SLC36A4: variants seen among roughly 807,000 people sequenced by gnomAD.
The protein encoded by SLC36A4 is neutral amino acid uniporter 4.
Under a neutral mutation model 50.5 loss-of-function variants are expected in SLC36A4, and 49 were observed. The observed-to-expected ratio is 0.97, with a 90% CI of 0.77 to 1.23. The LOEUF (loss-of-function observed/expected upper bound fraction) is 1.23, where lower values mean the gene tolerates loss of function less well. Ranked by LOEUF, SLC36A4 falls within the 50% of genes most tolerant of loss-of-function variation. The pLI, the probability that SLC36A4 is intolerant of heterozygous loss-of-function variation, is 0.00. For missense variants in SLC36A4, 611 were observed against 608.4 expected, an observed-to-expected ratio of 1.00 and a Z score of -0.05; for synonymous variants, 207 against 206.5, an observed-to-expected ratio of 1.00 and a Z score of -0.02.
intron 1 of SLC36A4, among the ~76,000 whole-genome samples, chr11:93,195,564 C>G (rs557841209): frequency 6.6e-6 from 1 of 152,324 alleles, no homozygotes; most frequent in South Asian, 2.1e-4. Flanking sequence ...ACATGGCAGT[C>G]AATGCAATCC....
At chr11:93,191,608 T>C (rs993869545) in intron 1 of SLC36A4, among the ~76,000 whole-genome samples, 8 of 152,212 alleles carry the variant, frequency 5.3e-5, no homozygotes, top group Non-Finnish European at 8.8e-5. Context: ...TTAGCATTCA[T>C]ACTCTCTCTG....
intron 1 of SLC36A4, among the ~76,000 whole-genome samples, chr11:93,196,627 C>G (rs1016003550): frequency 6.6e-6 from 1 of 152,198 alleles, no homozygotes; most frequent in Non-Finnish European, 1.5e-5. Flanking sequence ...CCTCAGCCTC[C>G]CAAAGTGCTG....
At chr11:93,170,864 T>C (rs1590955271) in intron 6 of SLC36A4, among the ~76,000 whole-genome samples, 1 of 152,080 alleles carries the variant, frequency 6.6e-6, no homozygotes, top group Admixed American at 6.6e-5. Context: ...ATAGCAGGTT[T>C]CTACATTTGT....
chr11:93,155,400 T>C (rs1860307983), intron 9 of SLC36A4: 1 of 152,018 alleles, frequency 6.6e-6, no homozygotes, highest in African/African-American at 2.4e-5. Flanking sequence ...TTTTCTTTCT[T>C]ACAAAAAAAT....
At chr11:93,171,904 A>T (rs1018664334) in intron 6 of SLC36A4, 1 of 152,116 alleles carries the variant, frequency 6.6e-6, no homozygotes, top group Admixed American at 6.6e-5. Flanking sequence ...TAAACAAAAG[A>T]ATATAAACAG....
At chr11:93,182,919 G>T in intron 3 of SLC36A4, 25 bp from the exon 4 acceptor site, 1 of 1,517,588 alleles carries the variant, frequency 6.6e-7, no homozygotes, top group Non-Finnish European at 9.1e-7. Context: ...AATTTATAAG[G>T]TTTAAATATT....
In SLC36A4 at chr11:93,162,739, C is replaced by A. The variant is rs759183500; in HGVS notation, c.1004G>T (p.Gly335Val). The A allele has an allele frequency of 6.2e-7, 1 of 1,612,154 alleles. No homozygotes were observed. Among genetic ancestry groups the A allele is most frequent in the Admixed American group, 1.7e-5 (1 of 59,520 alleles). Residue 335 changes from glycine (G) to valine (V), a missense_variant, in exon 9 of 11, where the codon GGC becomes GTC. Transcript: ENST00000326402. ...GYMCFHDEIK[G>V]SITLNLPQDV... ...TTGGGGAAGATTTAAAGTTATGCTG[C>A]CTTTGATTTCATCATGGAAACACAT...
chr11:93,147,152 A>C lies in SLC36A4; in HGVS notation c.*1385T>G, dbSNP rs1859868458. 1 of 151,844 alleles carries C rather than the reference A, an allele frequency of 6.6e-6. No individual in the cohort carries two copies. Among genetic ancestry groups the C allele is most frequent in the African/African-American group, 2.4e-5 (1 of 41,456 alleles). The allele number at this position is 151,844 out of a possible 1,614,324, so 9.4% of individuals were successfully genotyped here. On this transcript the variant is annotated 3_prime_UTR_variant, in exon 11 of 11. Coordinates refer to ENST00000326402, the MANE Select transcript of SLC36A4 (RefSeq NM_152313.4). Reference sequence around the variant, plus strand: ...GCCACATCAGGCTAATTTTTTTTTAAATTTTTATGTTTTATAGAGTCGAGG... The same window carrying C: ...GCCACATCAGGCTAATTTTTTTTTACATTTTTATGTTTTATAGAGTCGAGG...
intron 6 of SLC36A4, among the ~76,000 whole-genome samples, chr11:93,172,472 T>G (rs1296715131): frequency 1.3e-5 from 2 of 151,602 alleles, no homozygotes; most frequent in Non-Finnish European, 2.9e-5. Flanking sequence ...ATACTTTAAG[T>G]TTTAGGGTAC....
intron 9 of SLC36A4, among the ~76,000 whole-genome samples, chr11:93,156,503 T>A (rs1181878118): frequency 1.3e-5 from 2 of 151,538 alleles, no homozygotes; most frequent in Non-Finnish European, 2.9e-5. Context: ...CACTGCAACC[T>A]CCACCTCCCC....
At chr11:93,182,937 A>G (rs1436575567) in intron 3 of SLC36A4, 43 bp from the exon 4 acceptor site, 1 of 1,375,520 alleles carries the variant, frequency 7.3e-7, no homozygotes, top group Admixed American at 1.9e-5. Flanking sequence ...ATTTAACAGA[A>G]ATTGAGTAAT....
chr11:93,182,373 C>A, intron 4 of SLC36A4: 6 of 262,708 alleles, frequency 2.3e-5, no homozygotes, highest in Non-Finnish European at 3.6e-5. Context: ...GGTCTACTGT[C>A]CAGTAGAAGT....
At chr11:93,195,238 T>C (rs900685469) in intron 1 of SLC36A4, among the ~76,000 whole-genome samples, 8 of 151,838 alleles carry the variant, frequency 5.3e-5, no homozygotes, top group Admixed American at 2.0e-4. Context: ...AAATTAAGTT[T>C]CTCCTACTTA....
chr11:93,196,703 C>T (rs1437989953), intron 1 of SLC36A4, among the ~76,000 whole-genome samples: 2 of 152,196 alleles, frequency 1.3e-5, no homozygotes, highest in African/African-American at 4.8e-5. Context: ...TATATTATCC[C>T]TTTCCTGCCA....
chr11:93,189,794 G>T (rs1474990090), intron 1 of SLC36A4, among the ~76,000 whole-genome samples: 1 of 152,090 alleles, frequency 6.6e-6, no homozygotes, highest in Non-Finnish European at 1.5e-5. Flanking sequence ...ACGGAAAATG[G>T]TAAGTTTTTT....
At chr11:93,185,659 A>G in intron 2 of SLC36A4, 32 bp downstream of exon 2, 2 of 1,529,368 alleles carry the variant, frequency 1.3e-6, no homozygotes, top group Non-Finnish European at 1.7e-6. Flanking sequence ...CTGAATTAAA[A>G]GAAAAGGAGA....
Position 93,182,829 on chromosome 11 carries a change from A to G in SLC36A4, c.336T>C (p.Arg112=). The change falls in exon 4 of 11, where the codon CGT becomes CGC. Residue 112 remains arginine (R), a synonymous_variant. Coordinates refer to ENST00000326402, the MANE Select transcript of SLC36A4 (RefSeq NM_152313.4). ...ACCTCAGACATAGAAAGTGACTGCA[A>G]CGTACCAATATGTGCATACAGTGAA... ...ISVHCMHILV[R]CSHFLCLRFK... 1.9e-6 allele frequency: 3 copies of G among 1,612,276 alleles called. No individual in the cohort carries two copies. Among genetic ancestry groups the G allele is most frequent in the East Asian group, 2.2e-5 (1 of 44,710 alleles).
intron 9 of SLC36A4, among the ~76,000 whole-genome samples, chr11:93,161,462 C>T (rs1408441554): frequency 1.3e-5 from 2 of 152,118 alleles, no homozygotes; most frequent in Admixed American, 6.5e-5. Context: ...AAAATACAGA[C>T]ACACCACATG....
chr11:93,197,731 C>T, intron 1 of SLC36A4, 47 bp downstream of exon 1: 1 of 1,565,184 alleles, frequency 6.4e-7, no homozygotes, highest in Non-Finnish European at 8.6e-7. Context: ...CCCGCACAGA[C>T]CCCCGCCCAC....
Sources: allele counts gnomAD v4.1 joint callset (sites outside exome capture counted in the v4.1 genomes callset), GRCh38; gene constraint gnomAD v4.1.1; transcripts MANE v1.5; gene names NCBI Gene and HGNC (gene_info 2026-07-23, HGNC 2026-07-21).